Variants in SHROOM3 observed in about 807,000 individuals in gnomAD.
SHROOM3 encodes shroom family member 3, also known as protein Shroom3.
SHROOM3 carries 47 observed loss-of-function variants against 138.6 expected under a neutral mutation model. The observed-to-expected ratio is 0.34, with a 90% CI of 0.27 to 0.43. The LOEUF (loss-of-function observed/expected upper bound fraction) is 0.43, where lower values mean the gene tolerates loss of function less well. Ranked by LOEUF, SHROOM3 falls within the 20% of genes least tolerant of loss-of-function variation. SHROOM3 has a pLI of 1.00. For missense variants in SHROOM3, 2,491 were observed against 2,596.5 expected, an observed-to-expected ratio of 0.96 and a Z score of 0.88; for synonymous variants, 1,062 against 1,063.3, an observed-to-expected ratio of 1.00 and a Z score of 0.02.
At position 76,544,921 on chromosome 4, in the gene SHROOM3, T is replaced by G. The variant is rs1733180885; in HGVS notation, c.169-10688T>G. Among the ~76,000 whole-genome samples the G allele has an allele frequency of 2.0e-5, 3 of 152,140 alleles. No individual in the cohort carries two copies. The South Asian group carries it at 6.2e-4, about 32-fold the overall frequency. On this transcript the variant is annotated intron_variant, in intron 1 of 10. Transcript: ENST00000296043. ...GTGAATATTTCTGAATTAGGAAGAC[T>G]TTGCCTCCCTATGAAACCCTGTAAC...
chr4:76,665,012 G>C (rs143096207), intron 2 of SHROOM3, among the ~76,000 whole-genome samples: 1 of 152,052 alleles, frequency 6.6e-6, no homozygotes, highest in Non-Finnish European at 1.5e-5. Context: ...CAAAATAAAG[G>C]CTTCCAGGTG....
intron 5 of SHROOM3, among the ~76,000 whole-genome samples, chr4:76,743,541 TCCTC>T (rs913958056): frequency 2.0e-5 from 3 of 152,202 alleles, no homozygotes; most frequent in African/African-American, 7.2e-5. Flanking sequence ...TCTGGCCTCT[TCCTC>T]AGCCAGCTTG....
intron 1 of SHROOM3, among the ~76,000 whole-genome samples, chr4:76,437,081 T>G (rs1430842337): frequency 2.0e-5 from 3 of 152,204 alleles, no homozygotes; most frequent in African/African-American, 7.2e-5. Flanking sequence ...GCTCTGTTAT[T>G]GGTTCAGGTT....
chr4:76,577,835 C>A (rs1392674455), intron 2 of SHROOM3, among the ~76,000 whole-genome samples: 1 of 152,122 alleles, frequency 6.6e-6, no homozygotes, highest in Non-Finnish European at 1.5e-5. Flanking sequence ...CCATCTGTCT[C>A]AAAACTATAT....
At chr4:76,775,805 T>C (rs1722542101) in intron 10 of SHROOM3, among the ~76,000 whole-genome samples, 1 of 151,042 alleles carries the variant, frequency 6.6e-6, no homozygotes, top group African/African-American at 2.4e-5. Flanking sequence ...TATACACACA[T>C]ACTATATATA....
intron 2 of SHROOM3, among the ~76,000 whole-genome samples, chr4:76,649,223 G>T (rs150333820): frequency 7.0e-4 from 107 of 152,196 alleles, no homozygotes; most frequent in African/African-American, 2.5e-3. Context: ...TTCTTAGAAG[G>T]GTGACCTTTT....
rs780038507 is a variant in SHROOM3, at chr4:76,739,471, A to G, written c.1298A>G (p.His433Arg). Reference protein sequence around the residue: ...LKSPFIEEQLHTVLEKSPENS... With the variant: ...LKSPFIEEQLRTVLEKSPENS... ...TCTCCATTCATAGAGGAGCAGCTGCATACTGTGCTGGAGAAGAGTCCAGAG... is the reference window on the plus strand; with the variant it reads ...TCTCCATTCATAGAGGAGCAGCTGCGTACTGTGCTGGAGAAGAGTCCAGAG... Residue 433 changes from histidine (H) to arginine (R), a missense_variant, in exon 5 of 11, where the codon CAT (histidine) becomes CGT (arginine). Coordinates refer to ENST00000296043, the MANE Select transcript of SHROOM3 (RefSeq NM_020859.4). 7 of 1,614,104 alleles carry G rather than the reference A, an allele frequency of 4.3e-6. No individual in the cohort carries two copies. In the African/African-American group the frequency reaches 5.3e-5, roughly 12 times the overall value.
intron 1 of SHROOM3, among the ~76,000 whole-genome samples, chr4:76,522,058 A>G (rs1732577253): frequency 2.0e-5 from 3 of 151,896 alleles, no homozygotes; most frequent in Non-Finnish European, 2.9e-5. Context: ...TAAAATGTCA[A>G]TGTCTTGAAA....
intron 2 of SHROOM3, among the ~76,000 whole-genome samples, chr4:76,621,233 C>A (rs1204844776): frequency 2.6e-5 from 4 of 152,188 alleles, no homozygotes. Context: ...ACACCTGTCC[C>A]AGGAAGTTAC....
At chr4:76,768,642 T>C (rs1020387624) in intron 9 of SHROOM3, among the ~76,000 whole-genome samples, 34 of 152,198 alleles carry the variant, frequency 2.2e-4, no homozygotes, top group Middle Eastern at 6.8e-3. Context: ...TCCTAGTAGC[T>C]GGGGATTACA....
intron 2 of SHROOM3, among the ~76,000 whole-genome samples, chr4:76,590,199 C>T (rs570093928): frequency 6.6e-6 from 1 of 152,244 alleles, no homozygotes; most frequent in East Asian, 1.9e-4. Flanking sequence ...AAAACCCCAG[C>T]GGGTTGCTGG....
At chr4:76,754,276 A>G (rs890784277) in intron 6 of SHROOM3, 35 bp from the exon 7 acceptor site, 6 of 1,613,902 alleles carry the variant, frequency 3.7e-6, no homozygotes, top group African/African-American at 1.3e-5. Flanking sequence ...CCCTTTCTTC[A>G]GAGCTGTAAC....
chr4:76,524,208 C>A (rs1044341392), intron 1 of SHROOM3, among the ~76,000 whole-genome samples: 54 of 152,264 alleles, frequency 3.5e-4, no homozygotes, highest in African/African-American at 1.3e-3. Context: ...GCAGATGGGG[C>A]AGATTGCAGA....
intron 2 of SHROOM3, among the ~76,000 whole-genome samples, chr4:76,703,893 C>T (rs1719972452): frequency 6.6e-6 from 1 of 152,188 alleles, no homozygotes; most frequent in Non-Finnish European, 1.5e-5. Flanking sequence ...TTCTGATTGC[C>T]TCCAAACATA....
chr4:76,741,362 C>A lies in SHROOM3; in HGVS notation c.3189C>A (p.Arg1063=). 6.2e-7 allele frequency: 1 copy of A among 1,607,692 alleles called. No individual in the cohort carries two copies. ...SVADRRRLFE[R]DGKACSTLSL... ...CCGACCGGCGCCGTCTCTTCGAGCG[C>A]GATGGCAAGGCCTGCTCCACGCTCA... The change falls in exon 5 of 11, where the codon CGC becomes CGA. Residue 1063 remains arginine, a synonymous_variant. Transcript: ENST00000296043. This position sits in a 1 kb window ranked among gnomAD's most constrained non-coding sequence, Gnocchi z 6.2.
intron 2 of SHROOM3, among the ~76,000 whole-genome samples, chr4:76,606,799 G>A (rs1577914776): frequency 6.6e-6 from 1 of 152,152 alleles, no homozygotes; most frequent in African/African-American, 2.4e-5. Context: ...TAAATTACAT[G>A]CATTATACAT....
At chr4:76,501,916 A>G (rs1481280299) in intron 1 of SHROOM3, among the ~76,000 whole-genome samples, 1 of 152,034 alleles carries the variant, frequency 6.6e-6, no homozygotes. Context: ...TAAGTAACGT[A>G]TTTCCCTGAT....
intron 10 of SHROOM3, among the ~76,000 whole-genome samples, chr4:76,772,086 C>T (rs908070274): frequency 1.3e-5 from 2 of 149,982 alleles, no homozygotes; most frequent in Admixed American, 6.7e-5. Context: ...GCCTATGCTA[C>T]CATCTTTTTT....
At chr4:76,552,103 C>T (rs1008793160) in intron 1 of SHROOM3, among the ~76,000 whole-genome samples, 17 of 150,284 alleles carry the variant, frequency 1.1e-4, no homozygotes, top group Admixed American at 3.9e-4. Context: ...CCTTGTGATC[C>T]GCCCGCCTCG....
Sources: allele counts gnomAD v4.1 joint callset (sites outside exome capture counted in the v4.1 genomes callset), GRCh38; gene constraint gnomAD v4.1.1; non-coding constraint Gnocchi (gnomAD v3.1); transcripts MANE v1.5; gene names NCBI Gene and HGNC (gene_info 2026-07-23, HGNC 2026-07-21).